The following CCL5 variants were observed in gnomAD, a reference collection of about 807,000 sequenced individuals.
The protein encoded by CCL5 is C-C motif chemokine ligand 5.
In CCL5, 5 loss-of-function variants were observed where a neutral mutation model predicts 9.0. The ratio of observed to expected loss-of-function variants is 0.55; its 90% CI spans 0.29 to 1.16. The LOEUF (loss-of-function observed/expected upper bound fraction) is 1.16, where lower values mean the gene tolerates loss of function less well. Among genes scored for constraint, CCL5 ranks in the 50% most tolerant of loss-of-function variants. The probability of loss-of-function intolerance (pLI) is 0.08; values close to 1 mark genes in which losing one functional copy is unlikely to be tolerated. For missense variants in CCL5, 183 were observed against 183.2 expected, an observed-to-expected ratio of 1.00 and a Z score of 0.01; for synonymous variants, 66 against 72.0, an observed-to-expected ratio of 0.92 and a Z score of 0.42.
chr17:35,877,532 T>C (rs762170946), intron 2 of CCL5, among the ~76,000 whole-genome samples: 64 of 152,350 alleles, frequency 4.2e-4, no homozygotes, highest in Admixed American at 1.6e-3. Flanking sequence ...ATGGACTTCA[T>C]CCCTCATTTA....
At position 35,878,510 on chromosome 17, in the gene CCL5, C is replaced by A. The variant is rs546323250; in HGVS notation, c.188+18G>T. On this transcript the variant is annotated intron_variant, in intron 2 of 3. Coordinates refer to ENST00000651122, the MANE Select transcript of CCL5 (RefSeq NM_001278736.2). The stretch of plus-strand genomic sequence containing the variant: ...CAGGGAACAGGCTCTGGGAGGGCTC[C>A]ATGGGGCTGAGACTCACACGACTGC... 1.3e-6 allele frequency: 2 copies of A among 1,569,340 alleles called. No individual in the cohort carries two copies. The highest frequency in any genetic ancestry group is 2.2e-5 in the South Asian group (2 of 90,124).
chr17:35,873,397 C>G (rs1424486823), intron 3 of CCL5, among the ~76,000 whole-genome samples: 1 of 151,158 alleles, frequency 6.6e-6, no homozygotes, highest in African/African-American at 2.4e-5. Context: ...CTGTGTTAGC[C>G]AGGATGGTCT....
chr17:35,872,559 TATG>T (rs1185711508), intron 3 of CCL5, 95 bp from the exon 3 acceptor site: 5 of 998,392 alleles, frequency 5.0e-6, no homozygotes, highest in Admixed American at 1.7e-5. Flanking sequence ...AAAGGGAAAT[TATG>T]ATGATATCGG....
At chr17:35,877,979 A>C (rs901771926) in intron 2 of CCL5, among the ~76,000 whole-genome samples, 2 of 152,122 alleles carry the variant, frequency 1.3e-5, no homozygotes, top group Non-Finnish European at 2.9e-5. Flanking sequence ...AGTAAAGGCC[A>C]CACTAGTAAA....
intron 1 of CCL5, among the ~76,000 whole-genome samples, 168 bp downstream of exon 1, chr17:35,880,062 A>G (rs1214311980): frequency 6.6e-6 from 1 of 152,242 alleles, no homozygotes; most frequent in Non-Finnish European, 1.5e-5. Flanking sequence ...CTCAAGGACA[A>G]CAGGACATAT....
At position 35,880,227 on chromosome 17, in the gene CCL5, TACATGGGG is replaced by T; in HGVS notation, c.71_76+2del. 6.2e-7 allele frequency: 1 copy of T among 1,613,382 alleles called. No homozygotes were observed. The highest frequency in any genetic ancestry group is 8.5e-7 in the Non-Finnish European group (1 of 1,179,578). ...GGCTGTGGTGGTCAAGACCAGGACTTACATGGGGAGGCAGATGCAGGAGCGCAGAGGGC... is the reference window on the plus strand; with the variant it reads ...GGCTGTGGTGGTCAAGACCAGGACTTAGGCAGATGCAGGAGCGCAGAGGGC... On this transcript the variant is annotated splice_donor_variant and coding_sequence_variant, in exon 1 of 4. Coordinates refer to ENST00000651122, the MANE Select transcript of CCL5 (RefSeq NM_001278736.2). LOFTEE classifies it high-confidence loss of function.
At chr17:35,872,579 G>T in intron 3 of CCL5, 115 bp from the exon 3 acceptor site, 1 of 815,778 alleles carries the variant, frequency 1.2e-6, no homozygotes, top group Non-Finnish European at 2.1e-6. Flanking sequence ...TCGGGGTAGG[G>T]CATATTTGGA....
intron 3 of CCL5, among the ~76,000 whole-genome samples, chr17:35,874,526 C>G (rs962951862): frequency 6.6e-6 from 1 of 152,156 alleles, no homozygotes; most frequent in Non-Finnish European, 1.5e-5. Flanking sequence ...GTCTCAAATT[C>G]CTGGGCTCAA....
chr17:35,874,947 GT>G (rs2088423069), intron 3 of CCL5, among the ~76,000 whole-genome samples: 1 of 151,996 alleles, frequency 6.6e-6, no homozygotes, highest in Non-Finnish European at 1.5e-5. Flanking sequence ...GACCCATGCA[GT>G]ATGCCACATG....
intron 2 of CCL5, among the ~76,000 whole-genome samples, chr17:35,876,334 A>G (rs985909871): frequency 6.6e-6 from 1 of 152,166 alleles, no homozygotes; most frequent in South Asian, 2.1e-4. Flanking sequence ...TTCCTCAGCT[A>G]CCAACCCTTC....
At chr17:35,879,400 C>T (rs1480221468) in intron 1 of CCL5, among the ~76,000 whole-genome samples, 2 of 152,012 alleles carry the variant, frequency 1.3e-5, no homozygotes, top group Non-Finnish European at 1.5e-5. Flanking sequence ...TTTGGGAGGC[C>T]GAGGCGGGCG....
intron 3 of CCL5, among the ~76,000 whole-genome samples, chr17:35,874,357 A>G (rs893065643): frequency 1.3e-5 from 2 of 152,168 alleles, no homozygotes; most frequent in Non-Finnish European, 2.9e-5. Flanking sequence ...GTGTAGTGAC[A>G]TGAACACAAC....
intron 1 of CCL5, among the ~76,000 whole-genome samples, chr17:35,879,505 G>A (rs1242138612): frequency 1.3e-5 from 2 of 151,874 alleles, no homozygotes; most frequent in Non-Finnish European, 2.9e-5. Context: ...TGTGGTGGCG[G>A]GTGCCTGTAG....
Position 35,875,601 on chromosome 17 carries a change from C to T in CCL5, c.230G>A (p.Trp77Ter). 2 of 985,454 alleles carry T rather than the reference C, an allele frequency of 2.0e-6. No homozygotes were observed. The highest frequency in any genetic ancestry group is 4.7e-5 in the South Asian group (1 of 21,280). 61.0% of individuals were successfully genotyped at this position (985,454 alleles called of 1,614,324 possible). The stretch of plus-strand genomic sequence containing the variant: ...CCGGGAGTCATACAGGAAATCCTGC[C>T]AGACTTGCTGTCCCTCTCTCTTTGG... Residue 77 changes from tryptophan to a stop codon, truncating the protein, a stop_gained, in exon 3 of 4, where the codon TGG (tryptophan) becomes TAG (stop). Transcript: ENST00000651122. LOFTEE classifies it low-confidence loss of function (END_TRUNC).
chr17:35,875,276 A>T (rs951029179), intron 3 of CCL5, among the ~76,000 whole-genome samples: 2 of 152,212 alleles, frequency 1.3e-5, no homozygotes, highest in Non-Finnish European at 2.9e-5. Flanking sequence ...AATATTCATA[A>T]CATAAAATTT....
Position 35,871,921 on chromosome 17 carries a change from T to TG in CCL5, c.*348_*349insC, listed in dbSNP as rs1353416075. On this transcript the variant is annotated 3_prime_UTR_variant, in exon 4 of 4. Coordinates refer to ENST00000651122, the MANE Select transcript of CCL5 (RefSeq NM_001278736.2). ...CACGCCCGGCTAATTTTTGTATTTT[T>TG]TTTTTTTTTTTTTTTTTTGAGACGG... The TG allele has an allele frequency of 1.4e-5, 2 of 139,000 alleles. No individual in the cohort carries two copies. Among genetic ancestry groups the TG allele is most frequent in the Admixed American group, 1.4e-4 (2 of 14,204 alleles). The allele number at this position is 139,000 out of a possible 1,614,324, so 8.6% of individuals were successfully genotyped here.
At chr17:35,872,911 T>C (rs937968438) in intron 3 of CCL5, among the ~76,000 whole-genome samples, 5 of 151,770 alleles carry the variant, frequency 3.3e-5, no homozygotes, top group Non-Finnish European at 7.4e-5. Flanking sequence ...TTTTTTGAGA[T>C]GGAGTCTTGC....
At chr17:35,879,345 C>T (rs1275990223) in intron 1 of CCL5, among the ~76,000 whole-genome samples, 1 of 152,032 alleles carries the variant, frequency 6.6e-6, no homozygotes. Context: ...ATAAGATGTA[C>T]AAAAATCGGC....
At chr17:35,874,959 A>T (rs1438652549) in intron 3 of CCL5, among the ~76,000 whole-genome samples, 1 of 152,070 alleles carries the variant, frequency 6.6e-6, no homozygotes, top group East Asian at 1.9e-4. Context: ...ATGCCACATG[A>T]TTACATAGCA....
Sources: allele counts gnomAD v4.1 joint callset (sites outside exome capture counted in the v4.1 genomes callset), GRCh38; gene constraint gnomAD v4.1.1; transcripts MANE v1.5; gene names NCBI Gene and HGNC (gene_info 2026-07-23, HGNC 2026-07-21).